The following GPC6 variants were observed in gnomAD, a reference collection of about 807,000 sequenced individuals.
GPC6 encodes the protein glypican 6.
In GPC6, 14 loss-of-function variants were observed where a neutral mutation model predicts 55.2. The observed-to-expected ratio is 0.25, with a 90% confidence interval of 0.17 to 0.40. The LOEUF (loss-of-function observed/expected upper bound fraction) is 0.40. Ranked by LOEUF, GPC6 falls within the 10% of genes least tolerant of loss-of-function variation. The pLI is 1.00. For missense variants in GPC6, 641 were observed against 708.5 expected (o/e 0.90, Z 1.08); for synonymous variants, 278 against 259.6 (o/e 1.07, Z -0.68).
chr13:94,284,887 A>G (rs1892487019), intron 4 of GPC6, among the ~76,000 whole-genome samples: 1 of 151,718 alleles, frequency 6.6e-6, no homozygotes, highest in South Asian at 2.1e-4. Flanking sequence ...AACACATAAC[A>G]TGAAATCTAC....
At chr13:93,680,851 A>C (rs1472325371) in intron 2 of GPC6, among the ~76,000 whole-genome samples, 2 of 152,150 alleles carry the variant, frequency 1.3e-5, no homozygotes, top group Non-Finnish European at 2.9e-5. Flanking sequence ...TTTCTATAGG[A>C]AACAAAGAGC....
At chr13:94,043,553 G>C (rs904490462) in intron 4 of GPC6, among the ~76,000 whole-genome samples, 6 of 151,588 alleles carry the variant, frequency 4.0e-5, no homozygotes, top group African/African-American at 1.2e-4. Context: ...ACTTCATTTT[G>C]TGTGTATATT....
intron 2 of GPC6, among the ~76,000 whole-genome samples, chr13:93,641,619 G>T (rs1879945947): frequency 6.6e-6 from 1 of 151,964 alleles, no homozygotes. Context: ...CACAGTCTTG[G>T]GTTGGACCCT....
chr13:94,327,325 A>C, intron 6 of GPC6, among the ~76,000 whole-genome samples: 1 of 152,108 alleles, frequency 6.6e-6, no homozygotes, highest in Non-Finnish European at 1.5e-5. Flanking sequence ...TTAATTACAG[A>C]GCATCTCATT....
At chr13:94,212,440 T>G (rs1345745317) in intron 4 of GPC6, among the ~76,000 whole-genome samples, 1 of 152,190 alleles carries the variant, frequency 6.6e-6, no homozygotes, top group Non-Finnish European at 1.5e-5. Context: ...CATACAAATA[T>G]TATTATCATC....
At chr13:93,880,848 A>C (rs1199398662) in intron 3 of GPC6, among the ~76,000 whole-genome samples, 2 of 148,822 alleles carry the variant, frequency 1.3e-5, no homozygotes, top group African/African-American at 5.0e-5. Context: ...TTTAAAAAAT[A>C]AATAAATAAA....
intron 1 of GPC6, among the ~76,000 whole-genome samples, chr13:93,479,758 T>C (rs1033198612): frequency 6.6e-6 from 1 of 152,212 alleles, no homozygotes; most frequent in African/African-American, 2.4e-5. Context: ...CCGTCAGCAA[T>C]GTTGTGATTT....
intron 2 of GPC6, among the ~76,000 whole-genome samples, chr13:93,747,640 A>G (rs1321472924): frequency 2.6e-5 from 4 of 152,232 alleles, no homozygotes; most frequent in Non-Finnish European, 5.9e-5. Flanking sequence ...TATTCAATAA[A>G]TTACATGAGG....
intron 4 of GPC6, among the ~76,000 whole-genome samples, chr13:94,114,010 C>G (rs1886338900): frequency 8.5e-6 from 1 of 117,208 alleles, no homozygotes; most frequent in South Asian, 2.9e-4. Context: ...GAACAAGACT[C>G]TGTCTAAAAA....
At chr13:94,278,760 C>T (rs1372981763) in intron 4 of GPC6, among the ~76,000 whole-genome samples, 1 of 152,118 alleles carries the variant, frequency 6.6e-6, no homozygotes, top group African/African-American at 2.4e-5. Flanking sequence ...ATATGTTGAG[C>T]CAGCCTTGCA....
chr13:94,084,599 T>G (rs936547602), intron 4 of GPC6, among the ~76,000 whole-genome samples: 2 of 122,888 alleles, frequency 1.6e-5, no homozygotes, highest in Non-Finnish European at 3.4e-5. Flanking sequence ...AAAAAAAACT[T>G]AATACACAAT....
chr13:93,978,634 T>C (rs1269308406), intron 3 of GPC6, among the ~76,000 whole-genome samples: 1 of 152,134 alleles, frequency 6.6e-6, no homozygotes, highest in Non-Finnish European at 1.5e-5. Flanking sequence ...ATTTCTACTC[T>C]TCCTCCAATA....
chr13:93,543,975 T>G (rs1290685018), intron 1 of GPC6, among the ~76,000 whole-genome samples: 1 of 152,096 alleles, frequency 6.6e-6, no homozygotes, highest in African/African-American at 2.4e-5. Context: ...CATTTGTTAT[T>G]TTTTATCTTT....
chr13:93,751,357 A>G lies in GPC6; in HGVS notation c.320-78797A>G, dbSNP rs565495412. ...TCATTAGGTTTAAAGTTCTGAGAAT[A>G]CATTATTTTTGTTGAGTTTCAGTTT... On this transcript the variant is annotated intron_variant, in intron 2 of 8. Coordinates refer to ENST00000377047, the MANE Select transcript of GPC6 (RefSeq NM_005708.5). Among the ~76,000 whole-genome samples the G allele has an allele frequency of 8.6e-5, 13 of 151,982 alleles. No individual in the cohort carries two copies. The South Asian group carries it at 2.7e-3, about 32-fold the overall frequency.
At chr13:93,539,835 G>A (rs1882216640) in intron 1 of GPC6, among the ~76,000 whole-genome samples, 2 of 151,844 alleles carry the variant, frequency 1.3e-5, no homozygotes, top group Admixed American at 1.3e-4. Context: ...GGGATTACAA[G>A]CATGCGCCAC....
intron 4 of GPC6, among the ~76,000 whole-genome samples, chr13:94,174,948 C>T (rs761346901): frequency 5.3e-5 from 8 of 152,094 alleles, no homozygotes; most frequent in Non-Finnish European, 1.0e-4. Context: ...GTAGCTATCT[C>T]TGAGATCAAG....
intron 4 of GPC6, among the ~76,000 whole-genome samples, chr13:94,271,028 C>T (rs867874080): frequency 1.6e-4 from 19 of 116,200 alleles, no homozygotes; most frequent in East Asian, 2.9e-4. Context: ...CTCGCTCTGT[C>T]GCCCAGGCTG....
chr13:93,691,152 A>G (rs1022940635), intron 2 of GPC6, among the ~76,000 whole-genome samples: 3 of 152,158 alleles, frequency 2.0e-5, no homozygotes, highest in Non-Finnish European at 2.9e-5. Context: ...TCTTTCAATA[A>G]GAACACAAGT....
chr13:93,634,409 C>T (rs1879606724), intron 2 of GPC6, among the ~76,000 whole-genome samples: 1 of 152,078 alleles, frequency 6.6e-6, no homozygotes, highest in Non-Finnish European at 1.5e-5. Context: ...GTGAAAGGTG[C>T]CAGGTTAGGT....
Sources: allele counts gnomAD v4.1 joint callset (sites outside exome capture counted in the v4.1 genomes callset), GRCh38; gene constraint gnomAD v4.1.1; transcripts MANE v1.5; gene names NCBI Gene and HGNC (gene_info 2026-07-23, HGNC 2026-07-21).